The following UNC5D variants were observed in gnomAD, a reference collection of about 807,000 sequenced individuals.
UNC5D encodes the protein netrin receptor UNC5D.
A neutral mutation model predicts 105.4 loss-of-function variants in UNC5D; 39 were observed. That is an observed-to-expected ratio of 0.37 (90% CI 0.29 to 0.48). UNC5D has a LOEUF of 0.48. Ranked by LOEUF, UNC5D falls within the 20% of genes least tolerant of loss-of-function variation. UNC5D has a pLI of 0.98. For missense variants in UNC5D, 991 were observed against 1,202.4 expected, an observed-to-expected ratio of 0.82 and a Z score of 2.60; for synonymous variants, 452 against 450.4, an observed-to-expected ratio of 1.00 and a Z score of -0.04.
intron 1 of UNC5D, among the ~76,000 whole-genome samples, chr8:35,502,089 A>G (rs1012900279): frequency 6.6e-6 from 1 of 152,220 alleles, no homozygotes; most frequent in African/African-American, 2.4e-5. Context: ...TTACGAGCAT[A>G]TTAATCCTCA....
At chr8:35,771,690 T>G (rs999025419) in intron 15 of UNC5D, among the ~76,000 whole-genome samples, 30 of 152,208 alleles carry the variant, frequency 2.0e-4, no homozygotes, top group Non-Finnish European at 4.3e-4. Flanking sequence ...TACCTATCTT[T>G]CAGGCCAACT....
chr8:35,682,439 T>C (rs991561844), intron 4 of UNC5D, among the ~76,000 whole-genome samples: 1 of 152,242 alleles, frequency 6.6e-6, no homozygotes, highest in Non-Finnish European at 1.5e-5. Context: ...TCACGGCCAT[T>C]GCTTTCTGTG....
At chr8:35,706,988 G>A (rs1042154716) in intron 8 of UNC5D, among the ~76,000 whole-genome samples, 4 of 152,188 alleles carry the variant, frequency 2.6e-5, no homozygotes, top group Non-Finnish European at 5.9e-5. Context: ...ATTAGACAAC[G>A]GCCTGGCTGG....
chr8:35,497,566 G>A (rs1811677529), intron 1 of UNC5D, among the ~76,000 whole-genome samples: 1 of 151,924 alleles, frequency 6.6e-6, no homozygotes, highest in Non-Finnish European at 1.5e-5. Context: ...GTTAGATTTT[G>A]GACATGTCAA....
chr8:35,556,378 A>G (rs541633642), intron 2 of UNC5D, among the ~76,000 whole-genome samples: 61 of 152,244 alleles, frequency 4.0e-4, no homozygotes, highest in Non-Finnish European at 7.8e-4. Context: ...TTCAGGTCGC[A>G]TTGTGTGTCT....
chr8:35,536,231 A>G (rs998409633), intron 1 of UNC5D, among the ~76,000 whole-genome samples: 3 of 152,222 alleles, frequency 2.0e-5, no homozygotes, highest in African/African-American at 7.2e-5. Context: ...GTCAAATCAA[A>G]TCAGGGCGCA....
chr8:35,388,402 C>T (rs1482769160), intron 1 of UNC5D, among the ~76,000 whole-genome samples: 1 of 152,028 alleles, frequency 6.6e-6, no homozygotes, highest in Admixed American at 6.6e-5. Context: ...AGTCTCTTAA[C>T]CAATGGCCCC....
intron 4 of UNC5D, among the ~76,000 whole-genome samples, chr8:35,618,071 G>T (rs532794657): frequency 6.6e-6 from 1 of 152,270 alleles, no homozygotes; most frequent in Admixed American, 6.5e-5. Context: ...TCATATACTG[G>T]CTCAACAGCA....
intron 2 of UNC5D, among the ~76,000 whole-genome samples, chr8:35,560,044 G>A (rs1363984836): frequency 6.6e-6 from 1 of 152,166 alleles, no homozygotes; most frequent in African/African-American, 2.4e-5. Flanking sequence ...GGCCTAGAAA[G>A]CTTATTAGCA....
At chr8:35,671,383 C>T (rs549298498) in intron 4 of UNC5D, among the ~76,000 whole-genome samples, 3 of 152,122 alleles carry the variant, frequency 2.0e-5, no homozygotes, top group Non-Finnish European at 4.4e-5. Flanking sequence ...AACAAAGCAA[C>T]AGGTTACATT....
intron 1 of UNC5D, among the ~76,000 whole-genome samples, chr8:35,425,024 C>G (rs1255969926): frequency 6.6e-6 from 1 of 151,876 alleles, no homozygotes; most frequent in Non-Finnish European, 1.5e-5. Flanking sequence ...TCTCATTGTT[C>G]AATTCCCACG....
At chr8:35,284,349 A>G (rs867394317) in intron 1 of UNC5D, among the ~76,000 whole-genome samples, 13 of 152,334 alleles carry the variant, frequency 8.5e-5, no homozygotes, top group Middle Eastern at 3.4e-3. Flanking sequence ...TGTTATTTGC[A>G]CAAGAATGAC....
chr8:35,539,442 C>T (rs1815112539), intron 1 of UNC5D, among the ~76,000 whole-genome samples: 1 of 152,136 alleles, frequency 6.6e-6, no homozygotes, highest in African/African-American at 2.4e-5. Flanking sequence ...TAAAATTTCT[C>T]AATAGATAAT....
chr8:35,713,689 T>G (rs1418820272), intron 8 of UNC5D, among the ~76,000 whole-genome samples: 2 of 152,184 alleles, frequency 1.3e-5, no homozygotes, highest in African/African-American at 4.8e-5. Context: ...CAAAAATATT[T>G]TATAAAATAG....
intron 1 of UNC5D, among the ~76,000 whole-genome samples, chr8:35,434,323 A>C (rs186895864): frequency 2.2e-4 from 33 of 152,262 alleles, no homozygotes; most frequent in African/African-American, 7.9e-4. Context: ...TCCATTTTAG[A>C]TTTAAAAACT....
intron 16 of UNC5D, among the ~76,000 whole-genome samples, chr8:35,778,616 A>T (rs1030331512): frequency 1.3e-5 from 2 of 152,174 alleles, no homozygotes; most frequent in African/African-American, 4.8e-5. Context: ...CAGGCAGTTC[A>T]CCTACCTTAA....
intron 4 of UNC5D, among the ~76,000 whole-genome samples, chr8:35,677,703 A>G (rs1825345097): frequency 6.6e-6 from 1 of 150,896 alleles, no homozygotes; most frequent in South Asian, 2.1e-4. Context: ...GTCTACTACT[A>G]TGTTGATTGT....
chr8:35,349,839 T>C (rs1274202652), intron 1 of UNC5D, among the ~76,000 whole-genome samples: 1 of 151,958 alleles, frequency 6.6e-6, no homozygotes, highest in African/African-American at 2.4e-5. Context: ...TTAGTGACTT[T>C]TAATGTCATC....
chr8:35,307,385 T>G (rs1337949383), intron 1 of UNC5D, among the ~76,000 whole-genome samples: 1 of 152,140 alleles, frequency 6.6e-6, no homozygotes, highest in Admixed American at 6.6e-5. Flanking sequence ...CTGATCTAGA[T>G]TTTGTACTTT....
Sources: gnomAD v4.1 joint callset for allele counts (sites outside exome capture counted in the v4.1 genomes callset) on GRCh38, gnomAD v4.1.1 for gene constraint, MANE v1.5 for transcripts, NCBI Gene and HGNC (gene_info 2026-07-23, HGNC 2026-07-21) for gene names.